The following CTNNA2 variants were observed in gnomAD, a reference collection of about 807,000 sequenced individuals.
CTNNA2 encodes the protein catenin alpha 2, also known as catenin alpha-2.
A neutral mutation model predicts 101.0 loss-of-function variants in CTNNA2; 42 were observed. That is an observed-to-expected ratio of 0.42 (90% CI 0.32 to 0.54). The LOEUF is 0.54. Ranked by LOEUF, CTNNA2 falls within the 20% of genes least tolerant of loss-of-function variation. The probability of loss-of-function intolerance (pLI) is 0.14; values close to 1 mark genes in which losing one functional copy is unlikely to be tolerated. For missense variants in CTNNA2, 871 were observed against 1,223.1 expected (o/e 0.71, Z 4.29); for synonymous variants, 450 against 456.4 (o/e 0.99, Z 0.18).
intron 7 of CTNNA2, among the ~76,000 whole-genome samples, chr2:79,952,696 T>C (rs548546913): frequency 1.4e-3 from 211 of 152,368 alleles, no homozygotes; most frequent in Non-Finnish European, 2.2e-3. Flanking sequence ...TTTCTTGTTA[T>C]GTGAAACTTG....
chr2:80,319,016 T>G (rs1678412756), intron 7 of CTNNA2, among the ~76,000 whole-genome samples: 1 of 152,182 alleles, frequency 6.6e-6, no homozygotes, highest in Admixed American at 6.5e-5. Context: ...CTCTGTGCTT[T>G]AGAAGGTATT....
At chr2:79,762,696 G>A (rs1329878896) in intron 3 of CTNNA2, among the ~76,000 whole-genome samples, 1 of 152,072 alleles carries the variant, frequency 6.6e-6, no homozygotes, top group Admixed American at 6.5e-5. Context: ...TCTTGAAAAT[G>A]AATATAATCA....
At chr2:80,117,001 A>C (rs1404075820) in intron 7 of CTNNA2, among the ~76,000 whole-genome samples, 2 of 151,934 alleles carry the variant, frequency 1.3e-5, no homozygotes, top group Non-Finnish European at 2.9e-5. Context: ...ACATGGACAC[A>C]CTTGGAAGTT....
chr2:79,433,699 G>A (rs139833176), intron 4 of CTNNA2, among the ~76,000 whole-genome samples: 18 of 147,028 alleles, frequency 1.2e-4, no homozygotes, highest in African/African-American at 4.5e-4. Flanking sequence ...AAGGAAACTT[G>A]TAACCAGAAA....
intron 4 of CTNNA2, among the ~76,000 whole-genome samples, chr2:79,468,621 AG>A (rs1164467103): frequency 6.6e-6 from 1 of 152,190 alleles, no homozygotes; most frequent in Admixed American, 6.5e-5. Context: ...TTAACCACAT[AG>A]TTGGAAGTAA....
chr2:80,069,824 A>T (rs575763751), intron 7 of CTNNA2, among the ~76,000 whole-genome samples: 1 of 152,144 alleles, frequency 6.6e-6, no homozygotes, highest in Admixed American at 6.5e-5. Context: ...TCTACTATGC[A>T]TTCTGTTCCC....
intron 18 of CTNNA2, among the ~76,000 whole-genome samples, chr2:80,632,527 A>C (rs1437510322): frequency 6.6e-6 from 1 of 152,106 alleles, no homozygotes; most frequent in African/African-American, 2.4e-5. Flanking sequence ...TAGTTTGGAA[A>C]CTGTATTTCC....
intron 7 of CTNNA2, among the ~76,000 whole-genome samples, chr2:80,010,374 C>T (rs1415831154): frequency 2.6e-5 from 4 of 152,084 alleles, no homozygotes; most frequent in African/African-American, 9.7e-5. Context: ...GGCTGGAGTA[C>T]AGTGGTGTGA....
At chr2:79,951,634 T>C (rs1334862583) in intron 7 of CTNNA2, among the ~76,000 whole-genome samples, 1 of 151,996 alleles carries the variant, frequency 6.6e-6, no homozygotes, top group African/African-American at 2.4e-5. Context: ...CATAGTACTC[T>C]AGCCTGGATG....
At position 79,352,184 on chromosome 2, in the gene CTNNA2, A is replaced by AT. The variant is rs1677404943; in HGVS notation, c.-317-21641dup. Among the ~76,000 whole-genome samples, 4 of 150,520 alleles carry AT rather than the reference A, an allele frequency of 2.7e-5. 1 individual carries two copies. Among genetic ancestry groups the AT allele is most frequent in the Admixed American group, 2.7e-4 (4 of 15,094 alleles). On this transcript the variant is annotated intron_variant, in intron 3 of 21. Coordinates refer to the CTNNA2 transcript ENST00000466387. ...TCTCTAATAAGTCGTGATAATTAGC[A>AT]TTTTTTCACATTTGTTGACTGCTTG...
chr2:79,941,471 T>C (rs1688155482), intron 7 of CTNNA2, among the ~76,000 whole-genome samples: 1 of 152,164 alleles, frequency 6.6e-6, no homozygotes, highest in South Asian at 2.1e-4. Flanking sequence ...TACTTGATGA[T>C]AAACATGATG....
chr2:80,032,828 C>CT (rs1251273840), intron 7 of CTNNA2, among the ~76,000 whole-genome samples: 1 of 152,120 alleles, frequency 6.6e-6, no homozygotes, highest in Non-Finnish European at 1.5e-5. Flanking sequence ...AAAAGGAAGT[C>CT]TATCATGGAA....
At chr2:79,894,986 C>G (rs1188448868) in intron 6 of CTNNA2, among the ~76,000 whole-genome samples, 1 of 152,176 alleles carries the variant, frequency 6.6e-6, no homozygotes, top group African/African-American at 2.4e-5. Context: ...ATATGCCATA[C>G]CAATCACAAT....
chr2:79,334,108 A>G (rs778278240), intron 3 of CTNNA2, among the ~76,000 whole-genome samples: 14 of 152,204 alleles, frequency 9.2e-5, no homozygotes, highest in Non-Finnish European at 1.8e-4. Context: ...TCCACTTTTT[A>G]ACTATTTGAA....
At chr2:80,222,511 G>A (rs532507890) in intron 7 of CTNNA2, among the ~76,000 whole-genome samples, 1 of 152,120 alleles carries the variant, frequency 6.6e-6, no homozygotes, top group Non-Finnish European at 1.5e-5. Flanking sequence ...AAATGCCATA[G>A]GTGACTCCTC....
At chr2:79,306,351 ATGT>A (rs1364668954) in intron 2 of CTNNA2, among the ~76,000 whole-genome samples, 25 of 152,322 alleles carry the variant, frequency 1.6e-4, no homozygotes, top group African/African-American at 5.5e-4. Flanking sequence ...TACTAAATAG[ATGT>A]TGTGTTGTCA....
intron 1 of CTNNA2, among the ~76,000 whole-genome samples, chr2:79,559,086 C>T (rs1373739121): frequency 6.6e-6 from 1 of 151,800 alleles, no homozygotes; most frequent in African/African-American, 2.4e-5. Context: ...TGAATGAATG[C>T]TGAATAATTA....
At chr2:79,999,048 G>C (rs1226382367) in intron 7 of CTNNA2, among the ~76,000 whole-genome samples, 1 of 151,436 alleles carries the variant, frequency 6.6e-6, no homozygotes, top group Non-Finnish European at 1.5e-5. Context: ...GCTCTAAAAA[G>C]CCAAATTGTT....
intron 7 of CTNNA2, among the ~76,000 whole-genome samples, chr2:80,241,645 G>A (rs567590473): frequency 6.7e-6 from 1 of 148,622 alleles, no homozygotes; most frequent in Non-Finnish European, 1.5e-5. Flanking sequence ...TTATATTTAG[G>A]CCTATACATA....
Sources: allele counts gnomAD v4.1 joint callset (sites outside exome capture counted in the v4.1 genomes callset), GRCh38; gene constraint gnomAD v4.1.1; transcripts MANE v1.5; gene names NCBI Gene and HGNC (gene_info 2026-07-23, HGNC 2026-07-21).